Variants in NT5DC3 observed in about 807,000 individuals in gnomAD.
The protein encoded by NT5DC3 is 5'-nucleotidase domain-containing protein 3.
NT5DC3 carries 42 observed loss-of-function variants against 67.8 expected under a neutral mutation model. The ratio of observed to expected loss-of-function variants is 0.62; its 90% CI spans 0.48 to 0.80. The LOEUF is 0.80. NT5DC3 is among the 30% of genes least tolerant of loss of function. The probability of loss-of-function intolerance (pLI) is 0.00; values close to 1 mark genes in which losing one functional copy is unlikely to be tolerated. For synonymous variants in NT5DC3, 237 were observed against 255.6 expected, an observed-to-expected ratio of 0.93 and a Z score of 0.69; for missense variants, 570 against 696.4, an observed-to-expected ratio of 0.82 and a Z score of 2.04.
the NT5DC3 span, among the ~76,000 whole-genome samples, chr12:103,751,776 T>C: frequency 6.6e-6 from 1 of 152,080 alleles, no homozygotes; most frequent in East Asian, 1.9e-4. Context: ...GACCATAGAG[T>C]GTGGTCCAGC....
chr12:103,819,812 T>G (rs986598477), intron 1 of NT5DC3: 1 of 152,234 alleles, frequency 6.6e-6, no homozygotes, highest in African/African-American at 2.4e-5. Context: ...ATGTTAACCA[T>G]TGCTAAGAGT....
At chr12:103,829,908 C>T (rs1887853563) in intron 1 of NT5DC3, among the ~76,000 whole-genome samples, 1 of 151,082 alleles carries the variant, frequency 6.6e-6, no homozygotes, top group South Asian at 2.1e-4. Flanking sequence ...GGTCTCTTTA[C>T]ACTCTTTCTT....
chr12:103,766,318 C>G (rs1486265586), downstream of NT5DC3: 6 of 1,613,668 alleles, frequency 3.7e-6, no homozygotes, highest in South Asian at 1.1e-5. Context: ...AGGGCAATGA[C>G]CCCTTGAGGA....
At chr12:103,824,619 G>T (rs1264759337) in intron 1 of NT5DC3, among the ~76,000 whole-genome samples, 1 of 152,084 alleles carries the variant, frequency 6.6e-6, no homozygotes, top group Admixed American at 6.6e-5. Flanking sequence ...TTTTATTGAG[G>T]TGCAATATAA....
intron 9 of NT5DC3, 67 bp from the exon 10 acceptor site, chr12:103,788,986 G>A: frequency 9.5e-7 from 1 of 1,048,266 alleles, no homozygotes; most frequent in Non-Finnish European, 1.5e-6. Flanking sequence ...TGAAATACCA[G>A]TTATTCACTA....
At chr12:103,768,630 G>A (rs1367869852), downstream of NT5DC3, among the ~76,000 whole-genome samples, 1 of 72,592 alleles carries the variant, frequency 1.4e-5, no homozygotes, top group African/African-American at 5.2e-5. Flanking sequence ...AGAGGGAGAG[G>A]GAGTGAGAGA....
chr12:103,771,376 G>C (rs1371274346), downstream of NT5DC3: 1 of 152,162 alleles, frequency 6.6e-6, no homozygotes, highest in Non-Finnish European at 1.5e-5. Flanking sequence ...ATTTTTTGTG[G>C]TTACCTATAA....
At chr12:103,766,906 G>T, downstream of NT5DC3, 1 of 153,876 alleles carries the variant, frequency 6.5e-6, no homozygotes, top group Non-Finnish European at 1.4e-5. Context: ...TCACACCCAC[G>T]AGGATGGCTA....
At chr12:103,822,432 A>C (rs1887528479) in intron 1 of NT5DC3, among the ~76,000 whole-genome samples, 1 of 152,264 alleles carries the variant, frequency 6.6e-6, no homozygotes. Flanking sequence ...TTACCAAAAA[A>C]AGCGAATTAA....
At chr12:103,767,027 AAAAT>A (rs1231377394), downstream of NT5DC3, 1 of 152,266 alleles carries the variant, frequency 6.6e-6, no homozygotes, top group Admixed American at 6.5e-5. Flanking sequence ...GTTTGGCAAA[AAAAT>A]AAGTTAAACA....
the NT5DC3 span, among the ~76,000 whole-genome samples, chr12:103,765,151 A>C: frequency 2.0e-5 from 3 of 151,742 alleles, no homozygotes; most frequent in Admixed American, 2.0e-4. Flanking sequence ...TTGTTAACTA[A>C]GTACTGTTAT....
chr12:103,766,506 C>A, downstream of NT5DC3: 1 of 704,320 alleles, frequency 1.4e-6, no homozygotes, highest in Non-Finnish European at 2.3e-6. Flanking sequence ...AGATGTGTTG[C>A]TGTGCCCACC....
intron 1 of NT5DC3, among the ~76,000 whole-genome samples, chr12:103,836,959 T>C (rs1362091523): frequency 1.3e-5 from 2 of 152,192 alleles, no homozygotes; most frequent in Non-Finnish European, 2.9e-5. Context: ...AGGGACTCTG[T>C]GTGGGGGCTC....
chr12:103,770,814 C>T (rs1242074864), downstream of NT5DC3: 2 of 152,174 alleles, frequency 1.3e-5, no homozygotes, highest in Admixed American at 1.3e-4. Context: ...ATCTTTACCC[C>T]CAAGGTGATA....
intron 2 of NT5DC3, among the ~76,000 whole-genome samples, chr12:103,808,968 T>C (rs1886917763): frequency 6.6e-6 from 1 of 152,242 alleles, no homozygotes; most frequent in South Asian, 2.1e-4. Flanking sequence ...AGCAGGCATC[T>C]CAAGCCTATT....
At chr12:103,790,936 G>A (rs548115336) in intron 9 of NT5DC3, among the ~76,000 whole-genome samples, 7 of 151,526 alleles carry the variant, frequency 4.6e-5, no homozygotes, top group Admixed American at 1.3e-4. Context: ...TGATCCGCCC[G>A]CCTCAGCCTC....
intron 1 of NT5DC3, 21 bp downstream of exon 1, chr12:103,840,928 C>G: frequency 7.5e-7 from 1 of 1,327,902 alleles, no homozygotes; most frequent in African/African-American, 1.5e-5. Context: ...GGCGCCGGGG[C>G]GGGGTCGCCG....
At chr12:103,815,964 C>G (rs1887233311) in intron 1 of NT5DC3, among the ~76,000 whole-genome samples, 1 of 152,140 alleles carries the variant, frequency 6.6e-6, no homozygotes, top group African/African-American at 2.4e-5. Context: ...AAAAAAACTA[C>G]TGACATTTTA....
At chr12:103,823,224 CA>C (rs60156543) in intron 1 of NT5DC3, among the ~76,000 whole-genome samples, 57 of 134,146 alleles carry the variant, frequency 4.2e-4, no homozygotes, top group African/African-American at 6.6e-4. Flanking sequence ...TTAGAAGTTA[CA>C]AAAAAAAAAA....
Sources: gnomAD v4.1 joint callset for allele counts (sites outside exome capture counted in the v4.1 genomes callset) on GRCh38, gnomAD v4.1.1 for gene constraint, MANE v1.5 for transcripts, NCBI Gene and HGNC (gene_info 2026-07-23, HGNC 2026-07-21) for gene names.